The following RTL4 variants were observed in gnomAD, a reference collection of about 807,000 sequenced individuals.
RTL4 encodes the protein retrotransposon Gag-like protein 4.
In RTL4, 4 loss-of-function variants were observed where a neutral mutation model predicts 5.3. The observed-to-expected ratio is 0.75, with a 90% CI of 0.37 to 1.72. The LOEUF (loss-of-function observed/expected upper bound fraction) is 1.72, where lower values mean the gene tolerates loss of function less well. RTL4 is among the 40% of genes most tolerant of loss of function. The pLI, the probability that RTL4 is intolerant of heterozygous loss-of-function variation, is 0.04. For synonymous variants in RTL4, 98 were observed against 87.3 expected (o/e 1.12, Z -0.68); for missense variants, 260 against 227.1 (o/e 1.14, Z -0.93).
the RTL4 span, among the ~76,000 whole-genome samples, chrX:112,250,742 C>T: frequency 3.6e-5 from 4 of 111,470 alleles, no homozygotes; most frequent in Admixed American, 9.5e-5. Flanking sequence ...TCAGTCATGA[C>T]GATGTCTGGA....
chrX:112,095,856 C>G, the RTL4 span, among the ~76,000 whole-genome samples: 1 of 111,417 alleles, frequency 9.0e-6, no homozygotes, highest in Non-Finnish European at 1.9e-5. Flanking sequence ...ATCTATACTG[C>G]CATAGATGTC....
the RTL4 span, among the ~76,000 whole-genome samples, chrX:112,262,884 G>A: frequency 9.1e-6 from 1 of 110,271 alleles, no homozygotes; most frequent in Non-Finnish European, 1.9e-5. Context: ...ATGAGTTCAT[G>A]TCCTTTGTAG....
At chrX:112,146,867 TATCATC>T in the RTL4 span, among the ~76,000 whole-genome samples, 1 of 105,941 alleles carries the variant, frequency 9.4e-6, no homozygotes. Flanking sequence ...TTATTATCAC[TATCATC>T]ATCATCATCA....
At chrX:112,224,707 T>C in the RTL4 span, among the ~76,000 whole-genome samples, 1 of 111,585 alleles carries the variant, frequency 9.0e-6, no homozygotes. Context: ...CATTCATTTA[T>C]ACATTATTTC....
the RTL4 span, among the ~76,000 whole-genome samples, chrX:112,414,644 G>A: frequency 1.8e-5 from 2 of 111,763 alleles, no homozygotes; most frequent in African/African-American, 3.2e-5. Context: ...CCCAAATAGT[G>A]TGTGGCCCAA....
chrX:112,376,873 T>G, the RTL4 span, among the ~76,000 whole-genome samples: 1 of 112,375 alleles, frequency 8.9e-6, no homozygotes, highest in Non-Finnish European at 1.9e-5. Context: ...TGTTAGGTAA[T>G]CTATTCTGTT....
chrX:112,303,442 TTC>T, the RTL4 span, among the ~76,000 whole-genome samples: 2 of 108,035 alleles, frequency 1.9e-5, no homozygotes, highest in African/African-American at 6.8e-5. Flanking sequence ...AAATAATGGG[TTC>T]ATGTCCTTTG....
the RTL4 span, among the ~76,000 whole-genome samples, chrX:112,199,852 C>G: frequency 8.9e-6 from 1 of 112,083 alleles, no homozygotes; most frequent in Admixed American, 9.4e-5. Context: ...TCTGGATCAT[C>G]CTCACATTTT....
chrX:112,210,887 C>T, the RTL4 span, among the ~76,000 whole-genome samples: 24 of 112,317 alleles, frequency 2.1e-4, no homozygotes, highest in Non-Finnish European at 1.7e-4. Flanking sequence ...GATTTTTCCA[C>T]GAGAACTGTC....
chrX:112,098,780 G>A, the RTL4 span, among the ~76,000 whole-genome samples: 1 of 111,566 alleles, frequency 9.0e-6, no homozygotes, highest in Non-Finnish European at 1.9e-5. Context: ...ACAAGAAATG[G>A]GGAAACGATT....
the RTL4 span, among the ~76,000 whole-genome samples, chrX:112,109,048 G>A: frequency 2.7e-5 from 3 of 111,376 alleles, no homozygotes; most frequent in Non-Finnish European, 5.6e-5. Flanking sequence ...TGAGGGAGGG[G>A]TGATGTAGGA....
chrX:112,427,895 A>G, the RTL4 span, among the ~76,000 whole-genome samples: 108 of 110,109 alleles, frequency 9.8e-4, no homozygotes, highest in Middle Eastern at 9.5e-3. Context: ...ACAGTACCCA[A>G]TATGTAGTCT....
the RTL4 span, among the ~76,000 whole-genome samples, chrX:112,408,013 C>T: frequency 8.9e-6 from 1 of 111,780 alleles, no homozygotes; most frequent in African/African-American, 3.3e-5. Flanking sequence ...TTCTGGAAAG[C>T]CTTCCCAAGA....
the RTL4 span, among the ~76,000 whole-genome samples, chrX:112,170,941 G>A: frequency 9.0e-6 from 1 of 111,623 alleles, no homozygotes; most frequent in Admixed American, 9.6e-5. Context: ...AGTTTATTGA[G>A]AGTTTTTAAC....
chrX:112,386,500 AC>A, the RTL4 span, among the ~76,000 whole-genome samples: 24 of 106,762 alleles, frequency 2.2e-4, no homozygotes, highest in Non-Finnish European at 4.5e-4. Flanking sequence ...TTTATCCCTC[AC>A]CCCCCTCCCA....
the RTL4 span, among the ~76,000 whole-genome samples, chrX:112,305,819 T>C: frequency 8.9e-6 from 1 of 112,369 alleles, no homozygotes; most frequent in Non-Finnish European, 1.9e-5. Context: ...GATTTTGTCA[T>C]GTGCTGCCTT....
chrX:112,162,700 C>T, the RTL4 span, among the ~76,000 whole-genome samples: 1 of 112,023 alleles, frequency 8.9e-6, no homozygotes, highest in Non-Finnish European at 1.9e-5. Flanking sequence ...AACTCTATCA[C>T]AGAAATTTGT....
chrX:112,286,659 C>T, the RTL4 span, among the ~76,000 whole-genome samples: 9 of 111,200 alleles, frequency 8.1e-5, no homozygotes, highest in South Asian at 2.7e-3. Context: ...GGCACCACTA[C>T]CATCCATCCA....
At chrX:112,276,384 C>T in the RTL4 span, among the ~76,000 whole-genome samples, 1 of 111,845 alleles carries the variant, frequency 8.9e-6, no homozygotes, top group Admixed American at 9.5e-5. Flanking sequence ...ACAAAAACAA[C>T]CCAGTTTACA....
Sources: gnomAD v4.1 joint callset for allele counts (sites outside exome capture counted in the v4.1 genomes callset) on GRCh38, gnomAD v4.1.1 for gene constraint, MANE v1.5 for transcripts, NCBI Gene and HGNC (gene_info 2026-07-23, HGNC 2026-07-21) for gene names.